Variants in TMEM132D observed in about 807,000 individuals in gnomAD.
TMEM132D encodes the protein mature OL transmembrane protein.
Under a neutral mutation model 62.3 loss-of-function variants are expected in TMEM132D, and 21 were observed. The observed-to-expected ratio is 0.34, with a 90% CI of 0.24 to 0.49. TMEM132D has a LOEUF of 0.49. TMEM132D is among the 20% of genes least tolerant of loss of function. TMEM132D has a pLI of 0.99. For missense variants in TMEM132D, 1,346 were observed against 1,402.8 expected (o/e 0.96, Z 0.65); for synonymous variants, 621 against 575.6 (o/e 1.08, Z -1.13).
intron 3 of TMEM132D, among the ~76,000 whole-genome samples, chr12:129,431,769 C>G (rs961667393): frequency 9.2e-5 from 14 of 152,210 alleles, no homozygotes; most frequent in African/African-American, 3.1e-4. Context: ...ACATCCTGCT[C>G]AAGTCCCTAT....
chr12:129,782,756 G>A (rs146545574), intron 1 of TMEM132D, among the ~76,000 whole-genome samples: 2 of 134,970 alleles, frequency 1.5e-5, no homozygotes, highest in African/African-American at 5.1e-5. Flanking sequence ...AAATCCAGGT[G>A]AGTCACACAG....
intron 5 of TMEM132D, among the ~76,000 whole-genome samples, chr12:129,187,156 G>A: frequency 6.6e-6 from 1 of 152,174 alleles, no homozygotes; most frequent in East Asian, 1.9e-4. Context: ...CCACCAGAGG[G>A]CAATAGAGGA....
chr12:129,540,508 CAG>C lies in TMEM132D; in HGVS notation c.969-9305_969-9304del, dbSNP rs1332081063. Among the ~76,000 whole-genome samples the C allele has an allele frequency of 6.0e-5, 9 of 151,170 alleles. No homozygotes were observed. In the East Asian group the frequency reaches 1.8e-3, roughly 29 times the overall value. Reference sequence around the variant, plus strand: ...AAACTTTTTTTTTTTTTAATTGAGACAGAGTCCTGCTCTGTCACCCAGGCTGG... The same window carrying C: ...AAACTTTTTTTTTTTTTAATTGAGACAGTCCTGCTCTGTCACCCAGGCTGG... On this transcript the variant is annotated intron_variant, in intron 2 of 8. Coordinates refer to ENST00000422113, the MANE Select transcript of TMEM132D (RefSeq NM_133448.3).
chr12:129,324,666 T>C (rs930066383), intron 4 of TMEM132D, among the ~76,000 whole-genome samples: 1 of 151,888 alleles, frequency 6.6e-6, no homozygotes, highest in Non-Finnish European at 1.5e-5. Context: ...CCATCCCTAC[T>C]AGAAATACAA....
chr12:129,437,774 T>G (rs1272821036), intron 3 of TMEM132D, among the ~76,000 whole-genome samples: 4 of 151,878 alleles, frequency 2.6e-5, no homozygotes, highest in Admixed American at 2.0e-4. Context: ...AGTTCTGGGA[T>G]ACATGTGCAG....
At chr12:129,530,989 G>GAAAAAAAA (rs1876200426) in intron 3 of TMEM132D, 70 bp downstream of exon 3, 2 of 722,478 alleles carry the variant, frequency 2.8e-6, no homozygotes, top group African/African-American at 9.3e-5. Context: ...TAGCAATCTA[G>GAAAAAAAA]GAAAAAAAAA....
intron 4 of TMEM132D, among the ~76,000 whole-genome samples, chr12:129,251,790 C>T (rs949126387): frequency 2.6e-5 from 4 of 152,162 alleles, no homozygotes; most frequent in Non-Finnish European, 5.9e-5. Flanking sequence ...GGACCAGGGC[C>T]TTTCAGAGAG....
At chr12:129,572,693 C>T (rs960261055) in intron 2 of TMEM132D, among the ~76,000 whole-genome samples, 2 of 152,050 alleles carry the variant, frequency 1.3e-5, no homozygotes, top group African/African-American at 2.4e-5. Flanking sequence ...AGATGATCTG[C>T]CCGCCTCGGC....
At chr12:129,822,533 C>T (rs1257812877) in intron 1 of TMEM132D, among the ~76,000 whole-genome samples, 3 of 152,192 alleles carry the variant, frequency 2.0e-5, no homozygotes, top group African/African-American at 4.8e-5. Flanking sequence ...GTCAGAGGCT[C>T]AGCATCCGGA....
intron 1 of TMEM132D, among the ~76,000 whole-genome samples, chr12:129,700,997 T>G (rs1231637901): frequency 6.6e-6 from 1 of 152,176 alleles, no homozygotes; most frequent in African/African-American, 2.4e-5. Context: ...GGTGTTTTTA[T>G]GGGGTTATGG....
At chr12:129,633,492 T>G (rs779335828) in intron 2 of TMEM132D, among the ~76,000 whole-genome samples, 2 of 152,208 alleles carry the variant, frequency 1.3e-5, no homozygotes, top group Non-Finnish European at 2.9e-5. Context: ...TACTAAGGGT[T>G]TAGCAAATAT....
At chr12:129,306,263 T>G (rs1881844047) in intron 4 of TMEM132D, among the ~76,000 whole-genome samples, 1 of 152,240 alleles carries the variant, frequency 6.6e-6, no homozygotes, top group Non-Finnish European at 1.5e-5. Context: ...TAAGAAAGTT[T>G]GATAATATTA....
intron 1 of TMEM132D, among the ~76,000 whole-genome samples, chr12:129,818,858 G>C (rs1039374092): frequency 1.5e-4 from 23 of 151,840 alleles, no homozygotes; most frequent in African/African-American, 5.6e-4. Context: ...AACATAGCGA[G>C]ACCCTGTCTC....
chr12:129,473,538 C>T (rs561515225), intron 3 of TMEM132D, among the ~76,000 whole-genome samples: 8 of 151,658 alleles, frequency 5.3e-5, no homozygotes, highest in African/African-American at 1.9e-4. Context: ...GCTATATTGG[C>T]CAGGCTGGTC....
At chr12:129,189,597 G>C (rs1878327376) in intron 5 of TMEM132D, among the ~76,000 whole-genome samples, 1 of 152,178 alleles carries the variant, frequency 6.6e-6, no homozygotes, top group Admixed American at 6.5e-5. Flanking sequence ...TCCGGAGGAA[G>C]GCTGGGAGTC....
intron 3 of TMEM132D, among the ~76,000 whole-genome samples, chr12:129,498,522 G>A (rs1399988928): frequency 6.6e-6 from 1 of 152,148 alleles, no homozygotes; most frequent in Non-Finnish European, 1.5e-5. Context: ...CTAAAGCGCT[G>A]GGATTAGAGG....
At chr12:129,463,465 TTTATG>T (rs1323555789) in intron 3 of TMEM132D, among the ~76,000 whole-genome samples, 14 of 89,678 alleles carry the variant, frequency 1.6e-4, no homozygotes, top group East Asian at 9.1e-4. Context: ...TATTTATTTA[TTTATG>T]TATTATTATT....
At chr12:129,649,818 GTA>G (rs1404929039) in intron 2 of TMEM132D, among the ~76,000 whole-genome samples, 3 of 151,558 alleles carry the variant, frequency 2.0e-5, no homozygotes, top group South Asian at 2.1e-4. Context: ...GTGTATGTGT[GTA>G]TATGTGCGTA....
chr12:129,728,111 C>T (rs1009377304), intron 1 of TMEM132D, among the ~76,000 whole-genome samples: 1 of 152,158 alleles, frequency 6.6e-6, no homozygotes, highest in Non-Finnish European at 1.5e-5. Flanking sequence ...ACCCCATTGA[C>T]GGTACTGGGT....
Sources: allele counts gnomAD v4.1 joint callset (sites outside exome capture counted in the v4.1 genomes callset), GRCh38; gene constraint gnomAD v4.1.1; transcripts MANE v1.5; gene names NCBI Gene and HGNC (gene_info 2026-07-23, HGNC 2026-07-21).